The following RALGAPA2 variants were observed in gnomAD, a reference collection of about 807,000 sequenced individuals.
RALGAPA2 encodes the protein ral GTPase-activating protein subunit alpha-2.
RALGAPA2 carries 139 observed loss-of-function variants against 230.4 expected under a neutral mutation model. The observed-to-expected ratio is 0.60, with a 90% CI of 0.53 to 0.69. The LOEUF is 0.69. Ranked by LOEUF, RALGAPA2 falls within the 30% of genes least tolerant of loss-of-function variation. RALGAPA2 has a pLI of 0.00. For synonymous variants in RALGAPA2, 847 were observed against 837.8 expected (o/e 1.01, Z -0.19); for missense variants, 2,163 against 2,276.0 (o/e 0.95, Z 1.01).
At chr20:20,655,158 A>T (rs1430537223) in intron 3 of RALGAPA2, among the ~76,000 whole-genome samples, 1 of 152,216 alleles carries the variant, frequency 6.6e-6, no homozygotes, top group African/African-American at 2.4e-5. Flanking sequence ...AAACACACCC[A>T]CATGCATTCC....
intron 33 of RALGAPA2, among the ~76,000 whole-genome samples, chr20:20,510,420 A>G (rs1002931872): frequency 6.6e-6 from 1 of 152,220 alleles, no homozygotes; most frequent in Non-Finnish European, 1.5e-5. Context: ...ATGTAGTGAA[A>G]AAATATAGTG....
intron 38 of RALGAPA2, among the ~76,000 whole-genome samples, chr20:20,399,824 G>C (rs539502708): frequency 6.6e-6 from 1 of 152,384 alleles, no homozygotes; most frequent in African/African-American, 2.4e-5. Context: ...TCTTGCCTCT[G>C]AAGAAAGGCT....
intron 36 of RALGAPA2, among the ~76,000 whole-genome samples, chr20:20,490,203 C>A (rs2062015115): frequency 6.6e-6 from 1 of 152,096 alleles, no homozygotes; most frequent in Non-Finnish European, 1.5e-5. Flanking sequence ...AAAAACCGGA[C>A]AAAAGGAATA....
intron 1 of RALGAPA2, among the ~76,000 whole-genome samples, chr20:20,681,551 A>T (rs2068521825): frequency 1.3e-5 from 2 of 152,196 alleles, no homozygotes; most frequent in South Asian, 4.1e-4. Flanking sequence ...AAACCTCACA[A>T]TGCTGGGGGC....
chr20:20,491,038 A>G (rs190937511), intron 36 of RALGAPA2, among the ~76,000 whole-genome samples: 37 of 152,200 alleles, frequency 2.4e-4, no homozygotes, highest in Non-Finnish European at 4.4e-4. Flanking sequence ...AAAGGCATTT[A>G]GAATCCCTGT....
At chr20:20,621,148 A>C (rs1443387630) in intron 10 of RALGAPA2, among the ~76,000 whole-genome samples, 1 of 152,178 alleles carries the variant, frequency 6.6e-6, no homozygotes, top group Admixed American at 6.5e-5. Flanking sequence ...CTCCAAAAAA[A>C]AAAAAAGGAA....
At chr20:20,628,762 C>T (rs931337660) in intron 10 of RALGAPA2, among the ~76,000 whole-genome samples, 1 of 152,222 alleles carries the variant, frequency 6.6e-6, no homozygotes, top group African/African-American at 2.4e-5. Flanking sequence ...TCTGATGTCA[C>T]TCACGGCCAC....
intron 37 of RALGAPA2, among the ~76,000 whole-genome samples, chr20:20,427,862 C>A (rs980007024): frequency 2.6e-5 from 4 of 151,332 alleles, no homozygotes; most frequent in South Asian, 4.2e-4. Context: ...GATACTTGGT[C>A]CTTCCTGAAT....
At position 20,466,762 on chromosome 20, in the gene RALGAPA2, G is replaced by A. The variant is rs1432785936; in HGVS notation, c.5495+6067C>T. The stretch of plus-strand genomic sequence containing the variant: ...TCTCATCTCCAATCTGTGGCCAACC[G>A]AAATCCTCAGACATTGTTCACAATG... On this transcript the variant is annotated intron_variant, in intron 37 of 39. Coordinates refer to ENST00000202677, the MANE Select transcript of RALGAPA2 (RefSeq NM_020343.4). Among the ~76,000 whole-genome samples the A allele has an allele frequency of 2.6e-5, 4 of 152,130 alleles. No individual in the cohort carries two copies. The South Asian group carries it at 6.2e-4, about 24-fold the overall frequency.
rs1454759170 is a variant in RALGAPA2 at position 20,398,786 on chromosome 20, GT to G, written c.5618-2053del. 6.6e-6 allele frequency among the ~76,000 whole-genome samples: 1 copy of G among 152,170 alleles called. No homozygotes were observed. On this transcript the variant is annotated intron_variant, in intron 38 of 39. Coordinates refer to ENST00000202677, the MANE Select transcript of RALGAPA2 (RefSeq NM_020343.4). The surrounding 1 kb of genome is among the most constrained non-coding windows in gnomAD (Gnocchi z 4.5). ...GAGCAGCAGATATGTGCCAGGTACT[GT>G]TTTAGGCTCTGGGTTACAGTGGTGA...
rs750497901 is a variant in RALGAPA2 at position 20,436,147 on chromosome 20, G to T, written c.5496-23999C>A. On this transcript the variant is annotated intron_variant, in intron 37 of 39. Coordinates refer to ENST00000202677, the MANE Select transcript of RALGAPA2 (RefSeq NM_020343.4). Reference sequence around the variant, plus strand: ...TCCCCGTCTGTCTGCCTAAATCACAGACCTGCCTGTGGACATTGCTCCCTC... The same window carrying T: ...TCCCCGTCTGTCTGCCTAAATCACATACCTGCCTGTGGACATTGCTCCCTC... 2.7e-4 allele frequency among the ~76,000 whole-genome samples: 41 copies of T among 152,164 alleles called. 1 individual carries two copies. The highest frequency in any genetic ancestry group is 8.8e-5 in the Non-Finnish European group (6 of 68,028).
rs1050577034 is a variant in RALGAPA2, at chr20:20,495,285, C to T, written c.5209-10G>A. 1 of 1,510,576 alleles carries T rather than the reference C, an allele frequency of 6.6e-7. No individual in the cohort carries two copies. The highest frequency in any genetic ancestry group is 9.0e-7 in the Non-Finnish European group (1 of 1,111,738). The allele number at this position is 1,510,576 out of a possible 1,614,324, so 93.6% of individuals were successfully genotyped here. ...TCCCCAAGTGACGAAGCTGCAACAG[C>T]AAATTGACTGTTTATTAATCAGGGT... On this transcript the variant is annotated splice_polypyrimidine_tract_variant and intron_variant, in intron 35 of 39. Coordinates refer to ENST00000202677, the MANE Select transcript of RALGAPA2 (RefSeq NM_020343.4).
At position 20,583,715 on chromosome 20, in the gene RALGAPA2, T is replaced by A. The variant is rs192913963; in HGVS notation, c.2531-489A>T. On this transcript the variant is annotated intron_variant, in intron 19 of 39. Transcript: ENST00000202677. ...GTCATCTGGGGATATAGTGTCCCAA[T>A]ACAACAGATTTTCTAGAACAGAAAT... Among the ~76,000 whole-genome samples, 1,097 of 152,272 alleles carry A rather than the reference T, an allele frequency of 7.2e-3. 5 individuals are homozygous for A. The highest frequency in any genetic ancestry group is 0.011 in the Non-Finnish European group (771 of 68,006).
intron 27 of RALGAPA2, among the ~76,000 whole-genome samples, chr20:20,530,346 A>C (rs527403997): frequency 6.6e-6 from 1 of 152,314 alleles, no homozygotes; most frequent in South Asian, 2.1e-4. Flanking sequence ...TAATTTTTCC[A>C]TTCCTCATCA....
chr20:20,430,931 T>C (rs1010006643), intron 37 of RALGAPA2, among the ~76,000 whole-genome samples: 7 of 152,118 alleles, frequency 4.6e-5, no homozygotes, highest in Non-Finnish European at 8.8e-5. Context: ...CGTTAACTCA[T>C]GGTCCCTATC....
chr20:20,670,252 T>C (rs2068090106), intron 3 of RALGAPA2, among the ~76,000 whole-genome samples: 1 of 152,232 alleles, frequency 6.6e-6, no homozygotes, highest in South Asian at 2.1e-4. Context: ...TATGTTGATA[T>C]AGACAGCCTA....
chr20:20,493,786 A>T (rs2062128933), intron 36 of RALGAPA2, among the ~76,000 whole-genome samples: 1 of 152,232 alleles, frequency 6.6e-6, no homozygotes, highest in Non-Finnish European at 1.5e-5. Flanking sequence ...AAATGTTAGC[A>T]CTAAGAGCCA....
intron 16 of RALGAPA2, among the ~76,000 whole-genome samples, chr20:20,594,913 G>T (rs1236515647): frequency 2.6e-5 from 4 of 151,540 alleles, no homozygotes; most frequent in Non-Finnish European, 5.9e-5. Flanking sequence ...GTAAAGATGG[G>T]GTTTCACCGT....
intron 36 of RALGAPA2, among the ~76,000 whole-genome samples, chr20:20,491,829 A>AT (rs879657676): frequency 9.5e-4 from 140 of 147,724 alleles, no homozygotes; most frequent in African/African-American, 1.6e-3. Flanking sequence ...AAGCACACTG[A>AT]TTTTTTTTTT....
Sources: gnomAD v4.1 joint callset for allele counts (sites outside exome capture counted in the v4.1 genomes callset) on GRCh38, gnomAD v4.1.1 for gene constraint, Gnocchi (gnomAD v3.1) non-coding constraint, MANE v1.5 for transcripts, NCBI Gene and HGNC (gene_info 2026-07-23, HGNC 2026-07-21) for gene names.